Variants in SREBF2 observed in about 807,000 individuals in gnomAD.
The protein encoded by SREBF2 is sterol regulatory element-binding protein 2.
Under a neutral mutation model 113.1 loss-of-function variants are expected in SREBF2, and 55 were observed. The observed-to-expected ratio is 0.49, with a 90% CI of 0.39 to 0.61. The LOEUF is 0.61. Among genes scored for constraint, SREBF2 ranks in the 20% least tolerant of loss-of-function variants. The pLI is 0.00. For missense variants in SREBF2, 1,349 were observed against 1,487.4 expected (o/e 0.91, Z 1.53); for synonymous variants, 593 against 605.7 (o/e 0.98, Z 0.31).
Position 41,904,863 on chromosome 22 carries a change from G to C in SREBF2, c.3094G>C (p.Val1032Leu). ...AHSFRPAYRK[V>L]FLHEATVRLM... ...GGATGTCACCCCGGCACCTCCCCAGGTGTTCCTGCATGAAGCCACCGTGCG... is the reference window on the plus strand; with the variant it reads ...GGATGTCACCCCGGCACCTCCCCAGCTGTTCCTGCATGAAGCCACCGTGCG... Residue 1032 changes from valine to leucine, a missense_variant and splice_region_variant, in exon 18 of 19, where the codon GTG becomes CTG. By Grantham distance (32) the Val-to-Leu change is conservative. Around this residue, in one of 2 missense-constraint regions of SREBF2, gnomAD observed 650 missense variants for 644.1 expected, o/e 1.01. Coordinates refer to ENST00000361204, the MANE Select transcript of SREBF2 (RefSeq NM_004599.4). The C allele has an allele frequency of 6.3e-7, 1 of 1,588,440 alleles. No individual in the cohort carries two copies. The highest frequency in any genetic ancestry group is 8.6e-7 in the Non-Finnish European group (1 of 1,169,464).
At chr22:41,857,688 T>C (rs776354045) in intron 1 of SREBF2, among the ~76,000 whole-genome samples, 1 of 152,188 alleles carries the variant, frequency 6.6e-6, no homozygotes, top group Admixed American at 6.5e-5. Flanking sequence ...CTTGCCATCC[T>C]GTGTCATTCA....
In SREBF2 at chr22:41,880,959, G is replaced by A. The variant is rs1367857349; in HGVS notation, c.2005G>A (p.Ala669Thr). The stretch of plus-strand genomic sequence containing the variant: ...GACCAGCGCCCGGGATGCGGCTCTG[G>A]CCTATCACCGGCTGCACCAGCTGCA... ...AKTSARDAAL[A>T]YHRLHQLHIT... Residue 669 changes from alanine to threonine, a missense_variant, in exon 10 of 19, where the codon GCC (alanine) becomes ACC (threonine). By Grantham distance (58) the Ala-to-Thr change is moderately conservative (BLOSUM62 0). Coordinates refer to ENST00000361204, the MANE Select transcript of SREBF2 (RefSeq NM_004599.4). 3 of 1,610,218 alleles carry A rather than the reference G, an allele frequency of 1.9e-6. No homozygotes were observed. Among genetic ancestry groups the A allele is most frequent in the Admixed American group, 1.7e-5 (1 of 60,006 alleles).
chr22:41,899,040 C>T, intron 15 of SREBF2: 1 of 603,158 alleles, frequency 1.7e-6, no homozygotes. Context: ...GTCCTCCTCC[C>T]TGCAGCCTTC....
At position 41,859,799 on chromosome 22, in the gene SREBF2, CTTTTTTT is replaced by C. The variant is rs1174473976; in HGVS notation, c.89-7009_89-7003del. 1.7e-3 allele frequency among the ~76,000 whole-genome samples: 91 copies of C among 54,350 alleles called. 1 individual carries two copies. The highest frequency in any genetic ancestry group is 4.3e-3 in the Admixed American group (20 of 4,656). 35.7% of individuals were successfully genotyped at this position (54,350 alleles called of 152,430 possible). A position where few individuals can be genotyped will look rare whatever the true frequency, so the allele number is the denominator to read the frequency against. On this transcript the variant is annotated intron_variant, in intron 1 of 18. Coordinates refer to ENST00000361204, the MANE Select transcript of SREBF2 (RefSeq NM_004599.4). ...GTTCCAAGGCTAGGATATGGTGATT[CTTTTTTT>C]TTTTTTTTTTTTTTTTTTTTTTGAG...
intron 3 of SREBF2, among the ~76,000 whole-genome samples, chr22:41,870,644 A>T (rs1171841943): frequency 6.6e-6 from 1 of 151,438 alleles, no homozygotes; most frequent in African/African-American, 2.4e-5. Flanking sequence ...AAAAAAAAAA[A>T]AAAAAAAGCC....
chr22:41,867,811 AAG>A (rs989222891), intron 2 of SREBF2, among the ~76,000 whole-genome samples: 5 of 147,624 alleles, frequency 3.4e-5, no homozygotes, highest in African/African-American at 1.3e-4. Flanking sequence ...CCATCTTAAA[AAG>A]AAAAAAAAAA....
chr22:41,858,073 A>G (rs1182810700), intron 1 of SREBF2, among the ~76,000 whole-genome samples: 1 of 152,194 alleles, frequency 6.6e-6, no homozygotes, highest in Non-Finnish European at 1.5e-5. Flanking sequence ...ATTAGAAAAA[A>G]ACATTGTGGG....
chr22:41,866,979 C>CTT lies in SREBF2; in HGVS notation c.237_238insTT (p.Ser80LeufsTer72). 1 of 1,614,214 alleles carries CTT rather than the reference C, an allele frequency of 6.2e-7. No homozygotes were observed. The highest frequency in any genetic ancestry group is 8.5e-7 in the Non-Finnish European group (1 of 1,180,038). ...GCAGCAGCAGCAATGGCAGGGGCAG[C>CTT]AGCAGCGGAGCTGTGGACCCTTCAG... On this transcript the variant is annotated frameshift_variant, in exon 2 of 19. Transcript: ENST00000361204. LOFTEE classifies it high-confidence loss of function.
intron 1 of SREBF2, among the ~76,000 whole-genome samples, chr22:41,861,723 G>C (rs1276351908): frequency 6.6e-6 from 1 of 152,134 alleles, no homozygotes; most frequent in Non-Finnish European, 1.5e-5. Flanking sequence ...AGGAGTTCGA[G>C]ACCAGCCTGG....
intron 16 of SREBF2, among the ~76,000 whole-genome samples, chr22:41,901,661 T>TA (rs1342256438): frequency 3.3e-5 from 5 of 151,844 alleles, no homozygotes; most frequent in African/African-American, 4.8e-5. Flanking sequence ...ACTCCATCTT[T>TA]AAAAAAAAGC....
intron 4 of SREBF2, among the ~76,000 whole-genome samples, chr22:41,872,164 G>A (rs1052561654): frequency 2.0e-5 from 3 of 150,550 alleles, no homozygotes; most frequent in African/African-American, 7.4e-5. Flanking sequence ...GTAGGAGAAT[G>A]TCGTGAACCT....
At chr22:41,900,186 A>G in intron 15 of SREBF2, 144 bp from the exon 16 acceptor site, 1 of 1,521,020 alleles carries the variant, frequency 6.6e-7, no homozygotes, top group South Asian at 1.2e-5. Flanking sequence ...AGCTGGTGGC[A>G]TGGTGCCATA....
chr22:41,899,176 A>C, intron 15 of SREBF2: 2 of 1,117,652 alleles, frequency 1.8e-6, no homozygotes, highest in Non-Finnish European at 2.2e-6. Context: ...TGCCCCCAAA[A>C]CTCATGTGCA....
At chr22:41,898,530 C>G in intron 14 of SREBF2, 119 bp from the exon 15 acceptor site, 1 of 1,371,022 alleles carries the variant, frequency 7.3e-7, no homozygotes, top group Non-Finnish European at 1.0e-6. Flanking sequence ...AGGCTGCTGG[C>G]CCGTTCCCAG....
Position 41,884,939 on chromosome 22 carries a change from A to C in SREBF2, c.2136A>C (p.Thr712=), listed in dbSNP as rs751883529. 1.2e-6 allele frequency: 2 copies of C among 1,614,024 alleles called. No homozygotes were observed. The highest frequency in any genetic ancestry group is 1.7e-6 in the Non-Finnish European group (2 of 1,180,018). ...CAGAGGAGAAGATCCCACCGAGCAC[A>C]CTGGTTGAGATCCATCTGACTGCTG... is the stretch of plus-strand genomic sequence containing the variant. ...ECAEEKIPPS[T]LVEIHLTAAM... is the part of the protein sequence containing the mutation. The change falls in exon 11 of 19, where the codon ACA becomes ACC. Residue 712 remains threonine (T), a synonymous_variant. Transcript: ENST00000361204.
rs370768985 is a variant in SREBF2, at chr22:41,906,672, A to T, written c.*1012A>T. On this transcript the variant is annotated 3_prime_UTR_variant, in exon 19 of 19. Transcript: ENST00000361204. ...GATGGGTTTATCAGGAAGTAACCCC[A>T]TGGTAAGTTGAGGCATATCTGTATA... 1.3e-5 allele frequency: 2 copies of T among 152,280 alleles called. No homozygotes were observed. The highest frequency in any genetic ancestry group is 4.8e-5 in the African/African-American group (2 of 41,444). 9.4% of individuals were successfully genotyped at this position (152,280 alleles called of 1,614,324 possible). A position where few individuals can be genotyped will look rare whatever the true frequency, so the allele number is the denominator to read the frequency against.
Position 41,875,683 on chromosome 22 carries a change from A to G in SREBF2, c.1345A>G (p.Ile449Val), listed in dbSNP as rs762538178. The change falls in exon 7 of 19, where the codon ATT becomes GTT. Residue 449 changes from isoleucine to valine, a missense_variant. This residue lies in a region of SREBF2 where 699 missense variants were observed against 843.3 expected (regional missense o/e 0.83). Transcript: ENST00000361204. Reference sequence around the variant, plus strand: ...CCAGGCTGGCTTCTCTCCCTACTCCATTGACTCTGAGCCAGGAAGCCCTCT... The same window carrying G: ...CCAGGCTGGCTTCTCTCCCTACTCCGTTGACTCTGAGCCAGGAAGCCCTCT... ...GSQAGFSPYSIDSEPGSPLLD... is the reference protein window; with the variant it reads ...GSQAGFSPYSVDSEPGSPLLD... 8.7e-6 allele frequency: 14 copies of G among 1,614,076 alleles called. No individual in the cohort carries two copies. Among genetic ancestry groups the G allele is most frequent in the East Asian group, 2.2e-5 (1 of 44,880 alleles).
intron 1 of SREBF2, among the ~76,000 whole-genome samples, chr22:41,859,812 T>TTTC (rs1383453084): frequency 7.9e-6 from 1 of 126,624 alleles, no homozygotes; most frequent in East Asian, 2.2e-4. Context: ...TTTTTTTTTT[T>TTTC]TTTTTTTTTT....
intron 1 of SREBF2, among the ~76,000 whole-genome samples, chr22:41,844,065 C>CACACACACAT (rs369136150): frequency 0.057 from 8,319 of 145,676 alleles, 336 homozygotes; most frequent in African/African-American, 0.069. Context: ...CACACACACA[C>CACACACACAT]GTATATGTAT....
Sources: allele counts gnomAD v4.1 joint callset (sites outside exome capture counted in the v4.1 genomes callset), GRCh38; gene constraint gnomAD v4.1.1; regional missense constraint gnomAD v4.1.1; transcripts MANE v1.5; gene names NCBI Gene and HGNC (gene_info 2026-07-23, HGNC 2026-07-21).